The following VTI1A variants were observed in gnomAD, a reference collection of about 807,000 sequenced individuals.
The protein encoded by VTI1A is vesicle transport through interaction with t-SNAREs 1A, also known as vesicle transport through interaction with t-SNAREs homolog 1A.
Under a neutral mutation model 34.9 loss-of-function variants are expected in VTI1A, and 22 were observed. The ratio of observed to expected loss-of-function variants is 0.63; its 90% CI spans 0.45 to 0.90. VTI1A has a LOEUF of 0.90. Among genes scored for constraint, VTI1A ranks in the 40% least tolerant of loss-of-function variants. The pLI is 0.00. For synonymous variants in VTI1A, 87 were observed against 97.3 expected (o/e 0.89, Z 0.62); for missense variants, 268 against 275.6 (o/e 0.97, Z 0.20).
At chr10:112,750,243 C>T (rs537066923) in intron 7 of VTI1A, among the ~76,000 whole-genome samples, 21 of 152,020 alleles carry the variant, frequency 1.4e-4, no homozygotes, top group African/African-American at 4.1e-4. Context: ...CACTGGAGTG[C>T]GGTAGCACGA....
intron 3 of VTI1A, among the ~76,000 whole-genome samples, chr10:112,497,080 G>A (rs1387091410): frequency 1.3e-5 from 2 of 152,166 alleles, no homozygotes; most frequent in Non-Finnish European, 2.9e-5. Flanking sequence ...CACTTTGGGA[G>A]GCCGAGGCAG....
intron 5 of VTI1A, among the ~76,000 whole-genome samples, chr10:112,615,505 G>A (rs1393224801): frequency 6.6e-6 from 1 of 152,154 alleles, no homozygotes; most frequent in Non-Finnish European, 1.5e-5. Context: ...GCAGACACTT[G>A]TTAGGTACAG....
At chr10:112,748,086 T>TA (rs1850965980) in intron 7 of VTI1A, among the ~76,000 whole-genome samples, 1 of 151,996 alleles carries the variant, frequency 6.6e-6, no homozygotes, top group Non-Finnish European at 1.5e-5. Context: ...AGTGACTTGC[T>TA]AAAGGTCACT....
intron 5 of VTI1A, among the ~76,000 whole-genome samples, chr10:112,584,254 T>C (rs1180171676): frequency 1.3e-5 from 2 of 152,162 alleles, no homozygotes; most frequent in African/African-American, 4.8e-5. Flanking sequence ...CTGCAAGTCA[T>C]TGTAATTAAG....
At chr10:112,595,566 C>T (rs1844601159) in intron 5 of VTI1A, among the ~76,000 whole-genome samples, 1 of 152,162 alleles carries the variant, frequency 6.6e-6, no homozygotes, top group South Asian at 2.1e-4. Flanking sequence ...AAAAAATGCT[C>T]ATTATCACTG....
the VTI1A span, among the ~76,000 whole-genome samples, chr10:112,854,098 G>A: frequency 6.6e-6 from 1 of 152,170 alleles, no homozygotes; most frequent in African/African-American, 2.4e-5. Context: ...GTCCTCATAT[G>A]ATACTGAGCC....
chr10:112,616,142 GAGAA>G (rs1290893670), intron 5 of VTI1A, among the ~76,000 whole-genome samples: 1 of 152,216 alleles, frequency 6.6e-6, no homozygotes, highest in Non-Finnish European at 1.5e-5. Flanking sequence ...TCCCCAAAAA[GAGAA>G]AGAGAGAAGC....
chr10:112,647,591 T>G (rs1227440019), intron 5 of VTI1A, among the ~76,000 whole-genome samples: 2 of 152,200 alleles, frequency 1.3e-5, no homozygotes, highest in African/African-American at 2.4e-5. Flanking sequence ...AAGTCAACTA[T>G]GATATGTGTG....
chr10:112,736,597 C>A, intron 7 of VTI1A: 1 of 1,444,222 alleles, frequency 6.9e-7, no homozygotes, highest in Non-Finnish European at 9.3e-7. Flanking sequence ...AAAGTGGCTC[C>A]TCTGATAAGA....
At chr10:112,704,453 G>A (rs1849124542) in intron 7 of VTI1A, among the ~76,000 whole-genome samples, 1 of 151,920 alleles carries the variant, frequency 6.6e-6, no homozygotes, top group African/African-American at 2.4e-5. Flanking sequence ...CTTTTTGCTT[G>A]TTACTTTTCA....
intron 7 of VTI1A, among the ~76,000 whole-genome samples, chr10:112,779,618 CAT>C (rs1564922205): frequency 6.6e-6 from 1 of 152,170 alleles, no homozygotes; most frequent in South Asian, 2.1e-4. Flanking sequence ...AGCACATGCT[CAT>C]CCCACTATTC....
At chr10:112,695,999 T>C (rs1848770327) in intron 7 of VTI1A, among the ~76,000 whole-genome samples, 1 of 152,068 alleles carries the variant, frequency 6.6e-6, no homozygotes, top group Non-Finnish European at 1.5e-5. Context: ...TAGGCAGAAA[T>C]TTTTTACAAA....
intron 3 of VTI1A, among the ~76,000 whole-genome samples, chr10:112,524,134 T>C (rs1027156645): frequency 6.6e-6 from 1 of 152,134 alleles, no homozygotes; most frequent in Non-Finnish European, 1.5e-5. Context: ...TCCCCCTTTT[T>C]TGGTATTCAG....
chr10:112,536,226 A>G (rs1850609491), intron 4 of VTI1A, among the ~76,000 whole-genome samples: 1 of 140,046 alleles, frequency 7.1e-6, no homozygotes, highest in Non-Finnish European at 1.5e-5. Context: ...AAAATGAACC[A>G]AAGATATTTG....
chr10:112,636,588 A>G lies in VTI1A; in HGVS notation c.428-31630A>G, dbSNP rs140504136. ...AAAAAAATATATAAAAATTAGCTGG[A>G]TGTGGTGGTGCGCACCTGTAGTCCC... On this transcript the variant is annotated intron_variant, in intron 5 of 7. Coordinates refer to ENST00000393077, the MANE Select transcript of VTI1A (RefSeq NM_145206.4). 7.7e-3 allele frequency among the ~76,000 whole-genome samples: 1,177 copies of G among 151,970 alleles called. 10 individuals carry two copies. Among genetic ancestry groups the G allele is most frequent in the East Asian group, 0.032 (164 of 5,148 alleles).
At chr10:112,732,166 G>A (rs1850288276) in intron 7 of VTI1A, among the ~76,000 whole-genome samples, 3 of 152,070 alleles carry the variant, frequency 2.0e-5, no homozygotes, top group South Asian at 2.1e-4. Flanking sequence ...TCACAAGTTT[G>A]ATTACCTGTA....
chr10:112,785,007 A>G (rs547780707), intron 7 of VTI1A, among the ~76,000 whole-genome samples: 1 of 152,326 alleles, frequency 6.6e-6, no homozygotes, highest in South Asian at 2.1e-4. Context: ...GGCAAAACTC[A>G]AGATGTAGGC....
intron 5 of VTI1A, among the ~76,000 whole-genome samples, chr10:112,663,999 T>C (rs7082408): frequency 0.51 from 77,006 of 152,110 alleles, 21,732 homozygotes; most frequent in East Asian, 0.73. Context: ...ACTGTGAATG[T>C]CTTTTATCTG....
the VTI1A span, among the ~76,000 whole-genome samples, chr10:112,837,598 TGGCCCTCTG>T: frequency 6.6e-6 from 1 of 152,196 alleles, no homozygotes; most frequent in East Asian, 1.9e-4. Context: ...AGCAATTCGC[TGGCCCTCTG>T]GGCCTCAATT....
Sources: allele counts gnomAD v4.1 joint callset (sites outside exome capture counted in the v4.1 genomes callset), GRCh38; gene constraint gnomAD v4.1.1; transcripts MANE v1.5; gene names NCBI Gene and HGNC (gene_info 2026-07-23, HGNC 2026-07-21).